FER1L6: variants seen among roughly 807,000 people sequenced by gnomAD.
FER1L6 encodes the protein fer-1-like protein 6.
FER1L6 carries 177 observed loss-of-function variants against 219.2 expected under a neutral mutation model. The ratio of observed to expected loss-of-function variants is 0.81; its 90% CI spans 0.71 to 0.91. FER1L6 has a LOEUF of 0.91. FER1L6 is among the 40% of genes least tolerant of loss of function. The probability of loss-of-function intolerance (pLI) is 0.00; values close to 1 mark genes in which losing one functional copy is unlikely to be tolerated. For synonymous variants in FER1L6, 768 were observed against 824.3 expected, an observed-to-expected ratio of 0.93 and a Z score of 1.17; for missense variants, 2,153 against 2,259.9, an observed-to-expected ratio of 0.95 and a Z score of 0.96.
intron 13 of FER1L6, 103 bp downstream of exon 13, chr8:124,003,450 CCT>C: frequency 4.2e-5 from 10 of 240,340 alleles, no homozygotes; most frequent in South Asian, 2.3e-4. Context: ...TCAGAAATGT[CCT>C]TTTTTTTTTT....
At chr8:123,899,388 G>T (rs1812819346) in intron 1 of FER1L6, among the ~76,000 whole-genome samples, 1 of 151,770 alleles carries the variant, frequency 6.6e-6, no homozygotes, top group African/African-American at 2.4e-5. Flanking sequence ...TGATTGCATT[G>T]GTTGTAGATT....
intron 1 of FER1L6, among the ~76,000 whole-genome samples, chr8:123,885,260 T>G (rs1158258978): frequency 6.6e-6 from 1 of 152,198 alleles, no homozygotes; most frequent in African/African-American, 2.4e-5. Context: ...GCTATGGCAG[T>G]GTGGATTTTC....
intron 12 of FER1L6, among the ~76,000 whole-genome samples, chr8:124,001,745 A>C (rs570455431): frequency 6.6e-6 from 1 of 152,378 alleles, no homozygotes; most frequent in East Asian, 1.9e-4. Flanking sequence ...AATATGAATC[A>C]AGACCCTCCC....
chr8:123,923,721 T>C (rs2129857591), intron 1 of FER1L6, among the ~76,000 whole-genome samples: 1 of 152,072 alleles, frequency 6.6e-6, no homozygotes, highest in South Asian at 2.1e-4. Context: ...TAAGGTAGAT[T>C]CTATTATCAC....
At chr8:123,865,517 A>C (rs1282412167) in intron 1 of FER1L6, among the ~76,000 whole-genome samples, 1 of 151,338 alleles carries the variant, frequency 6.6e-6, no homozygotes, top group Admixed American at 6.6e-5. Context: ...ACCCAGTTTG[A>C]GCTTCCAGGC....
chr8:124,021,597 A>T lies in FER1L6; in HGVS notation c.2061A>T (p.Lys687Asn). ...AGGGGATCATTCAGCAGCAGAAGAAAAAGTTATCTGTTGATGAAATGATTC... is the reference window on the plus strand; with the variant it reads ...AGGGGATCATTCAGCAGCAGAAGAATAAGTTATCTGTTGATGAAATGATTC... ...EAKGIIQQQK[K>N]KLSVDEMIHE... The change falls in exon 17 of 41, where the codon AAA becomes AAT. Residue 687 changes from lysine (K) to asparagine (N), a missense_variant. Lys to Asn is a moderately conservative substitution (Grantham distance 94). Transcript: ENST00000522917. 1 of 1,614,180 alleles carries T rather than the reference A, an allele frequency of 6.2e-7. No individual in the cohort carries two copies.
intron 1 of FER1L6, among the ~76,000 whole-genome samples, chr8:123,923,141 G>A (rs1054911442): frequency 6.6e-6 from 1 of 152,204 alleles, no homozygotes; most frequent in African/African-American, 2.4e-5. Flanking sequence ...GCCCAAGCAG[G>A]TGTTTTGCAC....
intron 1 of FER1L6, among the ~76,000 whole-genome samples, chr8:123,927,331 A>G (rs6984557): frequency 0.51 from 76,840 of 151,906 alleles, 20,219 homozygotes; most frequent in African/African-American, 0.65. Context: ...AGCAAATGCA[A>G]TCGCTAGGTA....
At chr8:123,936,462 G>GTTTTTTTTTTTTT (rs779012175) in intron 1 of FER1L6, among the ~76,000 whole-genome samples, 3 of 97,926 alleles carry the variant, frequency 3.1e-5, no homozygotes, top group Admixed American at 1.2e-4. Flanking sequence ...ATTGCAGCCT[G>GTTTTTTTTTTTTT]TTTTTTTTTT....
chr8:123,966,176 C>T lies in FER1L6; in HGVS notation c.270C>T (p.Thr90=), dbSNP rs201170777. 72 of 1,613,948 alleles carry T rather than the reference C, an allele frequency of 4.5e-5. No individual in the cohort carries two copies. The highest frequency in any genetic ancestry group is 3.3e-4 in the Middle Eastern group (2 of 6,060). The change falls in exon 5 of 41, where the codon ACC becomes ACT. Residue 90 remains threonine (T), a synonymous_variant. Transcript: ENST00000522917. ...SQNYQIAITI[T]EARQLVGENI... ...TGTTGCAGATTGCCATAACCATCAC[C>T]GAGGCTCGCCAGCTGGTGGGTGAGA...
chr8:123,996,206 T>C (rs890875646), intron 12 of FER1L6, among the ~76,000 whole-genome samples: 5 of 152,176 alleles, frequency 3.3e-5, no homozygotes, highest in Non-Finnish European at 7.4e-5. Flanking sequence ...AATGTTTTTC[T>C]GTTGATTTTC....
chr8:124,078,339 C>T (rs542970054), intron 32 of FER1L6, among the ~76,000 whole-genome samples: 1 of 152,216 alleles, frequency 6.6e-6, no homozygotes, highest in East Asian at 1.9e-4. Flanking sequence ...CTTATAGTTT[C>T]CCAGAATGTT....
At chr8:124,080,487 T>A (rs1279151814) in intron 32 of FER1L6, among the ~76,000 whole-genome samples, 1 of 151,998 alleles carries the variant, frequency 6.6e-6, no homozygotes, top group Non-Finnish European at 1.5e-5. Flanking sequence ...CGGGCTAATT[T>A]TTGTATTTTT....
At chr8:123,974,388 C>T (rs1433294215) in intron 7 of FER1L6, among the ~76,000 whole-genome samples, 1 of 151,994 alleles carries the variant, frequency 6.6e-6, no homozygotes, top group African/African-American at 2.4e-5. Context: ...GTAATCCTGG[C>T]ACTTTGAGAG....
chr8:123,963,223 G>A (rs945126217), intron 2 of FER1L6, 55 bp from the exon 3 acceptor site: 12 of 1,604,434 alleles, frequency 7.5e-6, no homozygotes, highest in East Asian at 4.5e-5. Context: ...GTAGAGGCTC[G>A]ATTGCCACCA....
intron 1 of FER1L6, among the ~76,000 whole-genome samples, chr8:123,888,248 C>T (rs1817241510): frequency 6.6e-6 from 1 of 152,042 alleles, no homozygotes. Context: ...TCCCGAGTAG[C>T]TGGGACTACA....
In FER1L6 at chr8:124,095,076, T is replaced by C. The variant is rs773330005; in HGVS notation, c.4695+38T>C. ...ACTATTCTGGCCCTAAAAGTTAATC[T>C]TGTGTACTGTAGAGTAATGGTTTTC... On this transcript the variant is annotated intron_variant, in intron 35 of 40. Transcript: ENST00000522917. 1.9e-6 allele frequency: 3 copies of C among 1,612,476 alleles called. No individual in the cohort carries two copies. The South Asian group carries it at 3.3e-5, about 18-fold the overall frequency.
At chr8:124,054,426 A>ACTT (rs1357325942) in intron 22 of FER1L6, among the ~76,000 whole-genome samples, 1 of 152,176 alleles carries the variant, frequency 6.6e-6, no homozygotes, top group Non-Finnish European at 1.5e-5. Context: ...GCAACAAAGA[A>ACTT]CTTTTTTTTT....
intron 1 of FER1L6, among the ~76,000 whole-genome samples, chr8:123,889,063 A>G (rs1817255918): frequency 6.6e-6 from 1 of 152,196 alleles, no homozygotes; most frequent in Admixed American, 6.5e-5. Flanking sequence ...CCTAGAAATT[A>G]TGAGATATCA....
Sources: allele counts gnomAD v4.1 joint callset (sites outside exome capture counted in the v4.1 genomes callset), GRCh38; gene constraint gnomAD v4.1.1; transcripts MANE v1.5; gene names NCBI Gene and HGNC (gene_info 2026-07-23, HGNC 2026-07-21).